Variants in ALK observed in about 807,000 individuals in gnomAD.
The protein encoded by ALK is ALK receptor tyrosine kinase.
ALK carries 74 observed loss-of-function variants against 163.1 expected under a neutral mutation model. That is an observed-to-expected ratio of 0.45 (90% CI 0.38 to 0.55). The LOEUF is 0.55. Among genes scored for constraint, ALK ranks in the 20% least tolerant of loss-of-function variants. The pLI is 0.00. For synonymous variants in ALK, 960 were observed against 843.2 expected (o/e 1.14, Z -2.40); for missense variants, 2,063 against 2,105.3 (o/e 0.98, Z 0.39).
intron 1 of ALK, among the ~76,000 whole-genome samples, chr2:29,827,783 C>A (rs1016501209): frequency 1.3e-5 from 2 of 152,158 alleles, no homozygotes; most frequent in African/African-American, 4.8e-5. Context: ...ATCAAGCTAC[C>A]AATGACTTTC....
Position 29,920,883 on chromosome 2 carries a change from G to C in ALK, c.-224C>G. The C allele has an allele frequency of 3.4e-6, 2 of 583,686 alleles. No homozygotes were observed. Among genetic ancestry groups the C allele is most frequent in the Non-Finnish European group, 6.1e-6 (2 of 327,502 alleles). The allele number at this position is 583,686 out of a possible 1,614,324, so 36.2% of individuals were successfully genotyped here. A position where few individuals can be genotyped will look rare whatever the true frequency, so the allele number is the denominator to read the frequency against. ...CTGGAAGCTCAGGGGCGAGTCCAGA[G>C]ACACTCAAGCACACTGGGCTCACTG... On this transcript the variant is annotated 5_prime_UTR_variant, in exon 1 of 29. Coordinates refer to ENST00000389048, the MANE Select transcript of ALK (RefSeq NM_004304.5).
intron 3 of ALK, among the ~76,000 whole-genome samples, chr2:29,557,824 G>A (rs753914194): frequency 8.5e-5 from 13 of 152,126 alleles, no homozygotes; most frequent in Non-Finnish European, 1.9e-4. Context: ...TAGGGTGTGG[G>A]TTAGGGTGGA....
chr2:29,615,267 C>T (rs1405791566), intron 3 of ALK, among the ~76,000 whole-genome samples: 3 of 152,180 alleles, frequency 2.0e-5, no homozygotes. Flanking sequence ...TTTCACTGGA[C>T]AGCCCCCGCA....
chr2:29,411,278 G>C (rs1234384987), intron 4 of ALK, among the ~76,000 whole-genome samples: 4 of 152,034 alleles, frequency 2.6e-5, no homozygotes, highest in Admixed American at 2.6e-4. Context: ...CCTTCTTCTG[G>C]ATATCTCCTG....
chr2:29,731,266 G>A (rs981505496), intron 1 of ALK, among the ~76,000 whole-genome samples: 5 of 152,186 alleles, frequency 3.3e-5, no homozygotes, highest in African/African-American at 1.2e-4. Context: ...AGCCTCATCT[G>A]TCATCATACA....
chr2:29,619,236 G>A (rs72862855), intron 3 of ALK, among the ~76,000 whole-genome samples: 3,864 of 152,260 alleles, frequency 0.025, 94 homozygotes, highest in South Asian at 0.056. Flanking sequence ...ACAGTGGAGA[G>A]CCCTGGACTG....
At chr2:29,304,508 A>AAG (rs1553407271) in intron 8 of ALK, among the ~76,000 whole-genome samples, 5 of 151,286 alleles carry the variant, frequency 3.3e-5, no homozygotes, top group Admixed American at 6.6e-5. Flanking sequence ...AAAAAAAAAA[A>AAG]AAAGAAAAGA....
At chr2:29,803,016 T>C (rs1280336661) in intron 1 of ALK, among the ~76,000 whole-genome samples, 1 of 152,212 alleles carries the variant, frequency 6.6e-6, no homozygotes, top group Non-Finnish European at 1.5e-5. Context: ...AAAAAGTAGT[T>C]ACAATGTATT....
intron 1 of ALK, among the ~76,000 whole-genome samples, chr2:29,886,841 T>C (rs1190980567): frequency 1.3e-5 from 2 of 152,208 alleles, no homozygotes; most frequent in Non-Finnish European, 2.9e-5. Context: ...ACCTGGCAAA[T>C]TGGATATTTA....
intron 1 of ALK, among the ~76,000 whole-genome samples, chr2:29,844,897 A>AGAGG (rs1404192075): frequency 4.6e-5 from 7 of 151,560 alleles, no homozygotes; most frequent in African/African-American, 1.2e-4. Flanking sequence ...ACAGAGGCAC[A>AGAGG]CACACACAGT....
At chr2:29,520,720 G>A (rs1293663877) in intron 4 of ALK, among the ~76,000 whole-genome samples, 1 of 152,158 alleles carries the variant, frequency 6.6e-6, no homozygotes, top group Non-Finnish European at 1.5e-5. Context: ...TCACTTGGGG[G>A]CAACTGTGGG....
intron 5 of ALK, among the ~76,000 whole-genome samples, chr2:29,368,051 C>T (rs2148291092): frequency 6.6e-6 from 1 of 152,306 alleles, no homozygotes; most frequent in East Asian, 1.9e-4. Context: ...TTGTCCCAGG[C>T]TTTGAGCCAA....
intron 1 of ALK, among the ~76,000 whole-genome samples, chr2:29,741,382 A>G (rs1447882659): frequency 6.6e-6 from 1 of 152,194 alleles, no homozygotes; most frequent in African/African-American, 2.4e-5. Flanking sequence ...ACCGGTGTGA[A>G]TGTTGACAGT....
chr2:29,731,527 T>G (rs923889436), intron 1 of ALK, among the ~76,000 whole-genome samples: 4 of 152,184 alleles, frequency 2.6e-5, no homozygotes, highest in Non-Finnish European at 4.4e-5. Flanking sequence ...TCACTGGAGA[T>G]TCTGGGCAGC....
At chr2:29,805,110 G>A (rs912160502) in intron 1 of ALK, among the ~76,000 whole-genome samples, 4 of 152,120 alleles carry the variant, frequency 2.6e-5, no homozygotes, top group African/African-American at 9.7e-5. Context: ...GCACAGACCT[G>A]CCCACTGTGA....
At chr2:29,366,743 GAGA>G (rs1183831593) in intron 5 of ALK, among the ~76,000 whole-genome samples, 34 of 152,174 alleles carry the variant, frequency 2.2e-4, no homozygotes, top group Non-Finnish European at 5.9e-5. Flanking sequence ...TGGAGAATGA[GAGA>G]AGAACAATTC....
At chr2:29,600,722 A>G (rs1675358598) in intron 3 of ALK, among the ~76,000 whole-genome samples, 1 of 152,284 alleles carries the variant, frequency 6.6e-6, no homozygotes, top group African/African-American at 2.4e-5. Flanking sequence ...TGGGAGCCAA[A>G]GATAGGTTGA....
chr2:29,555,647 C>T (rs1352549815), intron 3 of ALK, among the ~76,000 whole-genome samples: 1 of 152,012 alleles, frequency 6.6e-6, no homozygotes. Context: ...TAACAAAAGC[C>T]CAACTGAAGA....
At chr2:29,245,396 C>T (rs1309338944) in intron 12 of ALK, among the ~76,000 whole-genome samples, 6 of 116,074 alleles carry the variant, frequency 5.2e-5, no homozygotes, top group East Asian at 2.8e-4. Context: ...GTAGGGGCTC[C>T]ATGGCTCAGT....
Sources: allele counts gnomAD v4.1 joint callset (sites outside exome capture counted in the v4.1 genomes callset), GRCh38; gene constraint gnomAD v4.1.1; transcripts MANE v1.5; gene names NCBI Gene and HGNC (gene_info 2026-07-23, HGNC 2026-07-21).